The following ACTN3 variants were observed in gnomAD, a reference collection of about 807,000 sequenced individuals.
The protein encoded by ACTN3 is actinin alpha 3.
A neutral mutation model predicts 119.6 loss-of-function variants in ACTN3; 91 were observed. The observed-to-expected ratio is 0.76, with a 90% CI of 0.64 to 0.91. ACTN3 has a LOEUF of 0.91. Among genes scored for constraint, ACTN3 ranks in the 40% least tolerant of loss-of-function variants. The probability of loss-of-function intolerance (pLI) is 0.00; values close to 1 mark genes in which losing one functional copy is unlikely to be tolerated. For missense variants in ACTN3, 1,221 were observed against 1,215.1 expected (o/e 1.00, Z -0.07); for synonymous variants, 456 against 478.8 (o/e 0.95, Z 0.62).
At position 66,557,220 on chromosome 11, in the gene ACTN3, A is replaced by G. The variant is rs917923434; in HGVS notation, c.892A>G (p.Ser298Gly). 6 of 1,552,650 alleles carry G rather than the reference A, an allele frequency of 3.9e-6. No homozygotes were observed. The African/African-American group carries it at 8.2e-5, about 21-fold the overall frequency. The stretch of plus-strand genomic sequence containing the variant: ...GATGGAGGAGTATGAGAAGCTTGCC[A>G]GTGAGGTGAGGCTGGGCTCCCACCG... ...KLMEEYEKLASELLEWIRRTV... is the reference protein window; with the variant it reads ...KLMEEYEKLAGELLEWIRRTV... The change falls in exon 9 of 21, where the codon AGT becomes GGT. Residue 298 changes from serine to glycine, a missense_variant. Ser to Gly is a moderately conservative substitution (Grantham distance 56, BLOSUM62 0). This residue lies in a region of ACTN3 where 934 missense variants were observed against 899.9 expected (regional missense o/e 1.04). Coordinates refer to ENST00000513398, the MANE Select transcript of ACTN3 (RefSeq NM_001104.4).
rs764535103 is a variant in ACTN3, at chr11:66,551,348, T to C, written c.257T>C (p.Ile86Thr). 5.0e-6 allele frequency: 8 copies of C among 1,603,164 alleles called. No homozygotes were observed. In the African/African-American group the frequency reaches 9.4e-5, roughly 19 times the overall value. ...GLKLMLLLEV[I>T]SGERLPRPDK... ...AAACTCATGCTGCTCCTGGAGGTCA[T>C]TTCAGGTGAGGATGGCAAATCAGTG... is the stretch of plus-strand genomic sequence containing the variant. The change falls in exon 2 of 21, where the codon ATT (isoleucine) becomes ACT (threonine). Residue 86 changes from isoleucine to threonine, a missense_variant. Physicochemically the swap from Ile to Thr is moderately conservative, Grantham distance 89. Around this residue, in one of 3 missense-constraint regions of ACTN3, gnomAD observed 239 missense variants for 231.8 expected, o/e 1.03. Coordinates refer to ENST00000513398, the MANE Select transcript of ACTN3 (RefSeq NM_001104.4).
At position 66,562,119 on chromosome 11, in the gene ACTN3, G is replaced by A. The variant is rs1857789506; in HGVS notation, c.2273G>A (p.Ser758Asn). 4 of 1,613,984 alleles carry A rather than the reference G, an allele frequency of 2.5e-6. No homozygotes were observed. The highest frequency in any genetic ancestry group is 2.7e-5 in the African/African-American group (2 of 74,934). The change falls in exon 18 of 21, where the codon AGC becomes AAC. Residue 758 changes from serine (S) to asparagine (N), a missense_variant. Coordinates refer to ENST00000513398, the MANE Select transcript of ACTN3 (RefSeq NM_001104.4). ...CTGACCCGAGACGCCAAGGGACTGA[G>A]CCAGGAGCAGCTCAACGAGTTCCGA... Reference protein sequence around the residue: ...QVLTRDAKGLSQEQLNEFRAS... With the variant: ...QVLTRDAKGLNQEQLNEFRAS...
intron 1 of ACTN3, among the ~76,000 whole-genome samples, chr11:66,547,563 T>A (rs976255265): frequency 2.6e-5 from 4 of 152,076 alleles, no homozygotes; most frequent in Admixed American, 1.3e-4. Context: ...TCGCTGTATC[T>A]CATTTAACAA....
At chr11:66,560,965 G>C (rs1857745211) in intron 15 of ACTN3, among the ~76,000 whole-genome samples, 2 of 152,242 alleles carry the variant, frequency 1.3e-5, no homozygotes, top group African/African-American at 4.8e-5. Context: ...TGTCAGGACT[G>C]ATGTGAAGTA....
chr11:66,553,391 T>C (rs1408461624), intron 3 of ACTN3, among the ~76,000 whole-genome samples: 1 of 151,094 alleles, frequency 6.6e-6, no homozygotes, highest in Non-Finnish European at 1.5e-5. Context: ...CCATCTCTCC[T>C]AAAAATACAA....
At position 66,560,630 on chromosome 11, in the gene ACTN3, C is replaced by A. The variant is rs202032409; in HGVS notation, c.1735C>A (p.Arg579=). The change falls in exon 15 of 21, where the codon CGA becomes AGA. Residue 579 remains arginine (R), a synonymous_variant. Transcript: ENST00000513398. ...AACACTGCCCGAGGCTGACCGAGAG[C>A]GAGGTGCCATCATGGGCATCCAGGG... ...KATLPEADRE[R]GAIMGIQGEI... The A allele has an allele frequency of 1.4e-5, 23 of 1,613,662 alleles. No homozygotes were observed. The highest frequency in any genetic ancestry group is 2.2e-5 in the East Asian group (1 of 44,896).
Position 66,561,420 on chromosome 11 carries a change from G to T in ACTN3, c.1996-38G>T, listed in dbSNP as rs369803301. 2.0e-5 allele frequency: 32 copies of T among 1,604,838 alleles called. No homozygotes were observed. The African/African-American group carries it at 3.5e-4, about 17-fold the overall frequency. On this transcript the variant is annotated intron_variant, in intron 16 of 20. Coordinates refer to ENST00000513398, the MANE Select transcript of ACTN3 (RefSeq NM_001104.4). Reference sequence around the variant, plus strand: ...GATGGGGCCAGGGCTGGGCCACAGGGAGTTGGGAGCCCTCATGCTGCCTGG... The same window carrying T: ...GATGGGGCCAGGGCTGGGCCACAGGTAGTTGGGAGCCCTCATGCTGCCTGG...
At chr11:66,561,120 T>C (rs895005692) in intron 15 of ACTN3, 107 bp from the exon 16 acceptor site, 97 of 1,403,424 alleles carry the variant, frequency 6.9e-5, no homozygotes, top group Admixed American at 3.2e-4. Context: ...CCCAGACAAG[T>C]TGGCTCAAAG....
rs781739445 is a variant in ACTN3, at chr11:66,562,155, A to G, written c.2309A>G (p.Asn770Ser). The G allele has an allele frequency of 1.2e-6, 2 of 1,613,858 alleles. No homozygotes were observed. The highest frequency in any genetic ancestry group is 1.3e-5 in the African/African-American group (1 of 74,910). The change falls in exon 18 of 21, where the codon AAC becomes AGC. Residue 770 changes from asparagine (N) to serine (S), a missense_variant. Physicochemically the swap from Asn to Ser is conservative, Grantham distance 46. This residue lies in a region of ACTN3 where 934 missense variants were observed against 899.9 expected (regional missense o/e 1.04). Coordinates refer to ENST00000513398, the MANE Select transcript of ACTN3 (RefSeq NM_001104.4). ...CTCAACGAGTTCCGAGCATCCTTCA[A>G]CCACTTTGACAGGGTCAGCAGGGGC... is the stretch of plus-strand genomic sequence containing the variant. ...EQLNEFRASF[N>S]HFDRKQNGMM...
chr11:66,554,399 G>A (rs957967379), intron 4 of ACTN3, 137 bp from the exon 5 acceptor site: 13 of 700,494 alleles, frequency 1.9e-5, no homozygotes, highest in South Asian at 4.0e-5. Context: ...TTGAGGCTGC[G>A]GTGAGCCATG....
At position 66,561,613 on chromosome 11, in the gene ACTN3, T is replaced by C; in HGVS notation, c.2151T>C (p.Asn717=). The part of the protein sequence containing the change: ...QLLQESLVFD[N]KHTVYSMEHI... ...TGCAGGAGAGCCTGGTGTTCGACAA[T>C]AAGCACACCGTCTACAGCATGGAGG... Residue 717 remains asparagine (N), a synonymous_variant, in exon 17 of 21, where the codon AAT becomes AAC. Transcript: ENST00000513398. 6.2e-7 allele frequency: 1 copy of C among 1,612,706 alleles called. No homozygotes were observed. Among genetic ancestry groups the C allele is most frequent in the East Asian group, 2.2e-5 (1 of 44,840 alleles).
intron 15 of ACTN3, 150 bp from the exon 16 acceptor site, chr11:66,561,077 G>T: frequency 9.1e-7 from 1 of 1,102,968 alleles, no homozygotes; most frequent in Non-Finnish European, 1.3e-6. Flanking sequence ...GCCCACATGG[G>T]TTAGTGACTT....
In ACTN3 at chr11:66,562,074, A is replaced by G. The variant is rs771526492; in HGVS notation, c.2228A>G (p.Asn743Ser). The G allele has an allele frequency of 7.4e-6, 12 of 1,613,746 alleles. No individual in the cohort carries two copies. The highest frequency in any genetic ancestry group is 1.1e-5 in the South Asian group (1 of 91,060). Residue 743 changes from asparagine to serine, a missense_variant, in exon 18 of 21, where the codon AAT (asparagine) becomes AGT (serine). Transcript: ENST00000513398. ...QLLTSIARTI[N>S]EVENQVLTRD... is the part of the protein sequence containing the mutation. ...CTCACCTCCATTGCCCGCACCATCA[A>G]TGAAGTGGAGAACCAGGTACTGACC...
rs564902238 is a variant in ACTN3 at position 66,552,851 on chromosome 11, GTCTCTCTCTC to G, written c.383-1173_383-1164del. Among the ~76,000 whole-genome samples the G allele has an allele frequency of 8.5e-4, 112 of 131,376 alleles. 1 individual carries two copies. The Middle Eastern group carries it at 0.02, about 23-fold the overall frequency. 86.2% of individuals were successfully genotyped at this position (131,376 alleles called of 152,430 possible). ...CAGCCTGGGTGACAAGAGAGACTCT[GTCTCTCTCTC>G]TCTCTCTCTCTCTCTCTCTCACACA... On this transcript the variant is annotated intron_variant, in intron 3 of 20. Coordinates refer to ENST00000513398, the MANE Select transcript of ACTN3 (RefSeq NM_001104.4).
At chr11:66,554,002 C>A in intron 3 of ACTN3, 43 bp from the exon 4 acceptor site, 1 of 1,581,284 alleles carries the variant, frequency 6.3e-7, no homozygotes. Flanking sequence ...TAGCACAGAC[C>A]TTGAATGCCA....
chr11:66,558,400 CAG>C (rs1314702010), intron 11 of ACTN3, among the ~76,000 whole-genome samples: 3 of 152,198 alleles, frequency 2.0e-5, no homozygotes, highest in African/African-American at 7.2e-5. Context: ...TTTTTTGAGA[CAG>C]AGTCTTGCTC....
intron 12 of ACTN3, 27 bp from the exon 13 acceptor site, chr11:66,559,941 C>A: frequency 6.4e-7 from 1 of 1,567,288 alleles, no homozygotes; most frequent in Non-Finnish European, 8.6e-7. Context: ...GGGCTGGCCC[C>A]ACACTCGCCC....
chr11:66,562,993 A>G, intron 20 of ACTN3, 39 bp downstream of exon 20: 1 of 1,608,486 alleles, frequency 6.2e-7, no homozygotes, highest in East Asian at 2.2e-5. Flanking sequence ...GGGCTAGGGC[A>G]GGGCACGGGA....
intron 8 of ACTN3, among the ~76,000 whole-genome samples, chr11:66,556,928 T>C (rs1382811316): frequency 6.6e-6 from 1 of 152,026 alleles, no homozygotes; most frequent in Non-Finnish European, 1.5e-5. Context: ...GCCCGGCCAA[T>C]TTTTTTGTAT....
Sources: allele counts gnomAD v4.1 joint callset (sites outside exome capture counted in the v4.1 genomes callset), GRCh38; gene constraint gnomAD v4.1.1; regional missense constraint gnomAD v4.1.1; transcripts MANE v1.5; gene names NCBI Gene and HGNC (gene_info 2026-07-23, HGNC 2026-07-21).